LIN37: variants seen among roughly 807,000 people sequenced by gnomAD.
LIN37 encodes the protein protein lin-37 homolog.
Under a neutral mutation model 38.0 loss-of-function variants are expected in LIN37, and 21 were observed. The ratio of observed to expected loss-of-function variants is 0.55; its 90% CI spans 0.39 to 0.80. The LOEUF (loss-of-function observed/expected upper bound fraction) is 0.80, where lower values mean the gene tolerates loss of function less well. LIN37 is among the 30% of genes least tolerant of loss of function. The pLI is 0.00. For synonymous variants in LIN37, 126 were observed against 122.9 expected (o/e 1.03, Z -0.17); for missense variants, 273 against 338.5 (o/e 0.81, Z 1.52).
intron 1 of LIN37, chr19:35,749,063 A>G: frequency 1.0e-6 from 1 of 960,230 alleles, no homozygotes; most frequent in Non-Finnish European, 1.3e-6. Context: ...TTAAATTTTT[A>G]AAATATTTAA....
intron 6 of LIN37, 105 bp from the exon 7 acceptor site, chr19:35,753,912 C>G: frequency 1.5e-6 from 2 of 1,328,776 alleles, no homozygotes; most frequent in South Asian, 2.6e-5. Context: ...CTTAGCGAGC[C>G]CCTCATGCCA....
At position 35,752,244 on chromosome 19, in the gene LIN37, A is replaced by G; in HGVS notation, c.103A>G (p.Met35Val). The change falls in exon 2 of 9, where the codon ATG becomes GTG. Residue 35 changes from methionine to valine, a missense_variant. Transcript: ENST00000301159. ...VLQCLLEKSH[M>V]DRERLDEEAG... ...GCAGTGTCTGCTGGAGAAGAGTCAC[A>G]TGGACAGGTAGGCCAGCGTGGGGTC... 1.2e-6 allele frequency: 2 copies of G among 1,605,992 alleles called. No homozygotes were observed. Among genetic ancestry groups the G allele is most frequent in the Middle Eastern group, 1.7e-4 (1 of 6,054 alleles).
At chr19:35,752,304 G>A in intron 2 of LIN37, 53 bp downstream of exon 2, 1 of 1,580,644 alleles carries the variant, frequency 6.3e-7, no homozygotes, top group East Asian at 2.3e-5. Context: ...TGGGCCCTCT[G>A]ATCCTGGGTG....
intron 8 of LIN37, 32 bp from the exon 9 acceptor site, chr19:35,754,361 G>A: frequency 6.2e-7 from 1 of 1,613,966 alleles, no homozygotes. Flanking sequence ...AGGGCCCTTT[G>A]CAACTGCTGA....
At chr19:35,752,348 G>C in intron 2 of LIN37, 86 bp from the exon 3 acceptor site, 1 of 1,581,704 alleles carries the variant, frequency 6.3e-7, no homozygotes, top group Non-Finnish European at 8.7e-7. Context: ...GACTTGGGGA[G>C]GAAGGTGCTT....
Position 35,748,688 on chromosome 19 carries a change from G to T in LIN37, c.-37G>T, listed in dbSNP as rs1238616020. Reference sequence around the variant, plus strand: ...CTTGTGACCCTAGGCCCTTTGGGGCGCCTCTGACCCAGCTAGCCAGATCCC... The same window carrying T: ...CTTGTGACCCTAGGCCCTTTGGGGCTCCTCTGACCCAGCTAGCCAGATCCC... On this transcript the variant is annotated 5_prime_UTR_variant, in exon 1 of 9. Coordinates refer to ENST00000301159, the MANE Select transcript of LIN37 (RefSeq NM_019104.3). 1.9e-6 allele frequency: 3 copies of T among 1,613,580 alleles called. No individual in the cohort carries two copies. Among genetic ancestry groups the T allele is most frequent in the Non-Finnish European group, 2.5e-6 (3 of 1,179,676 alleles).
At position 35,753,073 on chromosome 19, in the gene LIN37, C is replaced by T; in HGVS notation, c.278-14C>T. On this transcript the variant is annotated splice_polypyrimidine_tract_variant and intron_variant, in intron 5 of 8. Coordinates refer to ENST00000301159, the MANE Select transcript of LIN37 (RefSeq NM_019104.3). ...GCAAGGATGCTCACACACCTCCCAT[C>T]CCCACCTTCCCAGACACATATGTGA... 6.2e-7 allele frequency: 1 copy of T among 1,601,454 alleles called. No homozygotes were observed. Among genetic ancestry groups the T allele is most frequent in the Non-Finnish European group, 8.5e-7 (1 of 1,173,900 alleles).
chr19:35,753,856 G>A (rs1970714404), intron 6 of LIN37, 161 bp from the exon 7 acceptor site: 2 of 744,946 alleles, frequency 2.7e-6, no homozygotes, highest in Non-Finnish European at 4.3e-6. Context: ...TGACCCGCTG[G>A]CTGGTTGAGG....
chr19:35,752,662 C>T, intron 3 of LIN37, 142 bp from the exon 4 acceptor site: 2 of 1,312,838 alleles, frequency 1.5e-6, no homozygotes, highest in Non-Finnish European at 2.1e-6. Flanking sequence ...CCTAGACCCC[C>T]ATGGGTATGG....
rs749634947 is a variant in LIN37, at chr19:35,748,776, G to A, written c.34+18G>A. ...GAAATCAGGTGAGGACCCTGACGTC[G>A]GGGGCCTGTCGGGACCATCGGGTTG... is the stretch of plus-strand genomic sequence containing the variant. On this transcript the variant is annotated intron_variant, in intron 1 of 8. Transcript: ENST00000301159. The A allele has an allele frequency of 6.2e-7, 1 of 1,613,606 alleles. No homozygotes were observed. The highest frequency in any genetic ancestry group is 2.2e-5 in the East Asian group (1 of 44,858).
rs539988193 is a variant in LIN37 at position 35,753,998 on chromosome 19, G to C, written c.445-19G>C. On this transcript the variant is annotated intron_variant, in intron 6 of 8. Transcript: ENST00000301159. Reference sequence around the variant, plus strand: ...GCTTTGACTCTCTTGGGCCTGGCATGGGGCCCTTGTGTCCCCAGGGCTCAG... The same window carrying C: ...GCTTTGACTCTCTTGGGCCTGGCATCGGGCCCTTGTGTCCCCAGGGCTCAG... 1 of 1,608,630 alleles carries C rather than the reference G, an allele frequency of 6.2e-7. No homozygotes were observed. Among genetic ancestry groups the C allele is most frequent in the East Asian group, 2.2e-5 (1 of 44,726 alleles).
intron 6 of LIN37, 72 bp from the exon 7 acceptor site, chr19:35,753,945 G>C: frequency 6.5e-7 from 1 of 1,543,524 alleles, no homozygotes; most frequent in Non-Finnish European, 8.9e-7. Context: ...AAAGGCAGGA[G>C]GGATGAATGT....
rs376762591 is a variant in LIN37 at position 35,753,179 on chromosome 19, C to T, written c.370C>T (p.Arg124Cys). The change falls in exon 6 of 9, where the codon CGC becomes TGC. Residue 124 changes from arginine to cysteine, a missense_variant. Physicochemically the swap from Arg to Cys is radical, Grantham distance 180. Transcript: ENST00000301159. ...GTACCCAATCTGCCGCGCCTGGATG[C>T]GCAACAGCCCCTCTGTGCGCGAGCG... ...PLYPICRAWM[R>C]NSPSVREREC... is the part of the protein sequence containing the mutation. The T allele has an allele frequency of 3.1e-5, 49 of 1,582,394 alleles. No homozygotes were observed. Among genetic ancestry groups the T allele is most frequent in the Admixed American group, 3.6e-5 (2 of 55,382 alleles).
At chr19:35,752,573 A>G (rs1416950665) in intron 3 of LIN37, 89 bp downstream of exon 3, 1 of 1,425,270 alleles carries the variant, frequency 7.0e-7, no homozygotes, top group Non-Finnish European at 9.8e-7. Flanking sequence ...GCCCAGCGCT[A>G]CCTCCATCGT....
At chr19:35,750,167 G>A (rs963593351) in intron 1 of LIN37, among the ~76,000 whole-genome samples, 10 of 152,102 alleles carry the variant, frequency 6.6e-5, no homozygotes, top group Admixed American at 6.5e-4. Flanking sequence ...GGCTGGGTAG[G>A]GGAGGGAGAG....
chr19:35,748,647 C>T lies in LIN37; in HGVS notation c.-78C>T, dbSNP rs377175784. 7.1e-5 allele frequency: 113 copies of T among 1,597,438 alleles called. No homozygotes were observed. In the African/African-American group the frequency reaches 7.1e-4, roughly 10 times the overall value. ...GAAGCTCATCTTTGAACTGTCCCCG[C>T]CTTCTCCCGCCTTGACTTGTGACCC... On this transcript the variant is annotated 5_prime_UTR_variant, in exon 1 of 9. Coordinates refer to ENST00000301159, the MANE Select transcript of LIN37 (RefSeq NM_019104.3).
chr19:35,748,835 G>A (rs1049600489), intron 1 of LIN37, 77 bp downstream of exon 1: 4 of 1,610,512 alleles, frequency 2.5e-6, no homozygotes, highest in African/African-American at 1.3e-5. Context: ...AGGGAGTATC[G>A]CGGAAAGGGG....
rs1377666079 is a variant in LIN37 at position 35,754,056 on chromosome 19, A to C, written c.484A>C (p.Lys162Gln). ...VTNSKSRDVYKLPPPTPPGPP... is the reference protein window; with the variant it reads ...VTNSKSRDVYQLPPPTPPGPP... ...CAACAGCAAGAGTCGTGATGTGTAC[A>C]AGCTGCCGCCACCCACACCCCCGGG... is the stretch of plus-strand genomic sequence containing the variant. The change falls in exon 7 of 9, where the codon AAG becomes CAG. Residue 162 changes from lysine (K) to glutamine (Q), a missense_variant. By Grantham distance (53) the Lys-to-Gln change is moderately conservative (BLOSUM62 1). Coordinates refer to ENST00000301159, the MANE Select transcript of LIN37 (RefSeq NM_019104.3). 2 of 1,613,826 alleles carry C rather than the reference A, an allele frequency of 1.2e-6. No homozygotes were observed. Among genetic ancestry groups the C allele is most frequent in the African/African-American group, 2.7e-5 (2 of 75,036 alleles).
intron 6 of LIN37, chr19:35,753,596 G>C (rs1970710949): frequency 4.0e-6 from 2 of 505,956 alleles, no homozygotes; most frequent in Non-Finnish European, 7.2e-6. Context: ...AGCAGGGGCT[G>C]GGCAGGAATG....
Sources: gnomAD v4.1 joint callset for allele counts (sites outside exome capture counted in the v4.1 genomes callset) on GRCh38, gnomAD v4.1.1 for gene constraint, MANE v1.5 for transcripts, NCBI Gene and HGNC (gene_info 2026-07-23, HGNC 2026-07-21) for gene names.